Variants in ARHGAP32 observed in about 807,000 individuals in gnomAD.
The protein encoded by ARHGAP32 is Rho GTPase activating protein 32.
In ARHGAP32, 51 loss-of-function variants were observed where a neutral mutation model predicts 186.5. That is an observed-to-expected ratio of 0.27 (90% confidence interval 0.22 to 0.35). The LOEUF (loss-of-function observed/expected upper bound fraction) is 0.35, where lower values mean the gene tolerates loss of function less well. Ranked by LOEUF, ARHGAP32 falls within the 10% of genes least tolerant of loss-of-function variation. The pLI, the probability that ARHGAP32 is intolerant of heterozygous loss-of-function variation, is 1.00. For synonymous variants in ARHGAP32, 950 were observed against 964.3 expected, an observed-to-expected ratio of 0.99 and a Z score of 0.27; for missense variants, 2,186 against 2,623.5, an observed-to-expected ratio of 0.83 and a Z score of 3.64.
At chr11:129,105,308 A>T (rs1048614711) in intron 5 of ARHGAP32, among the ~76,000 whole-genome samples, 1 of 152,196 alleles carries the variant, frequency 6.6e-6, no homozygotes, top group Non-Finnish European at 1.5e-5. Context: ...GGTAGGACAC[A>T]TACTCACAAA....
intron 5 of ARHGAP32, among the ~76,000 whole-genome samples, chr11:129,118,785 T>TC (rs1467479188): frequency 1.3e-5 from 2 of 151,898 alleles, no homozygotes; most frequent in Non-Finnish European, 2.9e-5. Flanking sequence ...GAGCAGAAAT[T>TC]CCCCAGACTT....
intron 12 of ARHGAP32, among the ~76,000 whole-genome samples, chr11:128,988,745 T>A (rs1267577590): frequency 2.6e-5 from 4 of 152,196 alleles, no homozygotes; most frequent in Admixed American, 6.5e-5. Context: ...TTATTGACAT[T>A]TTGACTTTAT....
At chr11:129,026,929 C>T (rs187106353) in intron 11 of ARHGAP32, among the ~76,000 whole-genome samples, 2 of 151,138 alleles carry the variant, frequency 1.3e-5, no homozygotes, top group East Asian at 3.9e-4. Flanking sequence ...GAAACCCCAT[C>T]TCTACTAAAA....
chr11:129,142,999 T>C (rs1469304508), intron 2 of ARHGAP32, among the ~76,000 whole-genome samples: 1 of 146,124 alleles, frequency 6.8e-6, no homozygotes, highest in Admixed American at 6.9e-5. Flanking sequence ...TAAAATATAG[T>C]GATGAAGGGG....
intron 11 of ARHGAP32, among the ~76,000 whole-genome samples, chr11:129,002,134 T>C (rs1946375746): frequency 6.6e-6 from 1 of 152,196 alleles, no homozygotes; most frequent in African/African-American, 2.4e-5. Flanking sequence ...CTGTGAAGTA[T>C]GTCATTGGTA....
At chr11:129,121,982 A>C (rs1942543157) in intron 5 of ARHGAP32, among the ~76,000 whole-genome samples, 1 of 152,084 alleles carries the variant, frequency 6.6e-6, no homozygotes, top group Non-Finnish European at 1.5e-5. Context: ...GTTTAGAACT[A>C]TGATACTATT....
At chr11:129,044,822 T>C (rs1939742440) in intron 10 of ARHGAP32, among the ~76,000 whole-genome samples, 1 of 152,042 alleles carries the variant, frequency 6.6e-6, no homozygotes, top group Non-Finnish European at 1.5e-5. Context: ...GGGATAACAC[T>C]ACCTATACCT....
At chr11:129,074,363 TAG>T (rs1307036895) in intron 6 of ARHGAP32, among the ~76,000 whole-genome samples, 1 of 152,096 alleles carries the variant, frequency 6.6e-6, no homozygotes, top group African/African-American at 2.4e-5. Context: ...ATACAAAGGA[TAG>T]AGAGGAATTA....
chr11:129,036,524 A>T (rs925192460), intron 11 of ARHGAP32, among the ~76,000 whole-genome samples: 3 of 152,218 alleles, frequency 2.0e-5, no homozygotes, highest in African/African-American at 7.2e-5. Context: ...GAGACATAAT[A>T]ACTAATATAA....
chr11:129,171,685 T>C (rs893818881), intron 1 of ARHGAP32, among the ~76,000 whole-genome samples: 3 of 152,240 alleles, frequency 2.0e-5, no homozygotes, highest in Admixed American at 6.5e-5. Context: ...AAATTCAAAA[T>C]AGTTTTTTCT....
intron 2 of ARHGAP32, among the ~76,000 whole-genome samples, chr11:129,131,056 T>C (rs1238380326): frequency 2.6e-5 from 4 of 152,154 alleles, no homozygotes; most frequent in Admixed American, 6.5e-5. Flanking sequence ...ACAGTTGTTA[T>C]AGTACATGAA....
At chr11:129,070,926 T>A (rs967565498) in intron 6 of ARHGAP32, among the ~76,000 whole-genome samples, 1 of 152,082 alleles carries the variant, frequency 6.6e-6, no homozygotes, top group Non-Finnish European at 1.5e-5. Context: ...CTTTTATTTC[T>A]TCTTTTATAA....
chr11:129,235,273 C>T (rs1259447845), intron 1 of ARHGAP32, among the ~76,000 whole-genome samples: 12 of 152,102 alleles, frequency 7.9e-5, no homozygotes, highest in Non-Finnish European at 1.8e-4. Flanking sequence ...AGCTACCTAA[C>T]ACAGCACCTG....
At chr11:129,206,682 T>C (rs1052115133) in intron 1 of ARHGAP32, among the ~76,000 whole-genome samples, 3 of 152,168 alleles carry the variant, frequency 2.0e-5, no homozygotes, top group Non-Finnish European at 4.4e-5. Flanking sequence ...ACAGTCTTTA[T>C]CTTGCTGATT....
At chr11:129,001,963 G>A (rs1386239154) in intron 11 of ARHGAP32, among the ~76,000 whole-genome samples, 1 of 152,050 alleles carries the variant, frequency 6.6e-6, no homozygotes, top group Non-Finnish European at 1.5e-5. Context: ...TGTTCCGTTG[G>A]TCCATGTGTC....
intron 1 of ARHGAP32, among the ~76,000 whole-genome samples, chr11:129,204,723 G>C (rs903238383): frequency 2.6e-5 from 4 of 152,170 alleles, no homozygotes; most frequent in Admixed American, 2.6e-4. Context: ...TTTACTTAAA[G>C]TACTAGAGAC....
At chr11:129,070,883 T>C (rs1267676541) in intron 6 of ARHGAP32, among the ~76,000 whole-genome samples, 1 of 152,046 alleles carries the variant, frequency 6.6e-6, no homozygotes, top group Non-Finnish European at 1.5e-5. Context: ...ATTGACTTAA[T>C]GAAGCTAAAC....
intron 1 of ARHGAP32, among the ~76,000 whole-genome samples, chr11:129,276,009 G>T (rs924395151): frequency 2.0e-5 from 3 of 152,188 alleles, no homozygotes; most frequent in Non-Finnish European, 2.9e-5. Flanking sequence ...TCCAGCCTTG[G>T]CACAGGCCAG....
At chr11:129,045,592 A>G (rs1179489440) in intron 10 of ARHGAP32, among the ~76,000 whole-genome samples, 1 of 152,238 alleles carries the variant, frequency 6.6e-6, no homozygotes, top group Non-Finnish European at 1.5e-5. Flanking sequence ...TTTCTAATGA[A>G]TACTTCACCT....
Sources: gnomAD v4.1 joint callset for allele counts (sites outside exome capture counted in the v4.1 genomes callset) on GRCh38, gnomAD v4.1.1 for gene constraint, MANE v1.5 for transcripts, NCBI Gene and HGNC (gene_info 2026-07-23, HGNC 2026-07-21) for gene names.